The following MTRFR variants were observed in gnomAD, a reference collection of about 807,000 sequenced individuals.
MTRFR encodes mitochondrial translation release factor in rescue, also known as probable peptide chain release factor C12orf65, mitochondrial.
A neutral mutation model predicts 11.9 loss-of-function variants in MTRFR; 10 were observed. The observed-to-expected ratio is 0.84, with a 90% confidence interval of 0.52 to 1.42. The LOEUF is 1.42. Ranked by LOEUF, MTRFR falls within the 40% of genes most tolerant of loss-of-function variation. The pLI, the probability that MTRFR is intolerant of heterozygous loss-of-function variation, is 0.00. For synonymous variants in MTRFR, 77 were observed against 79.1 expected, an observed-to-expected ratio of 0.97 and a Z score of 0.14; for missense variants, 196 against 197.9, an observed-to-expected ratio of 0.99 and a Z score of 0.06.
At chr12:123,253,549 C>A in intron 1 of MTRFR, 98 bp from the exon 2 acceptor site, 1 of 1,196,508 alleles carries the variant, frequency 8.4e-7, no homozygotes, top group East Asian at 2.4e-5. Context: ...GATGGGTCAT[C>A]ATTTGAATTG....
rs1186385815 is a variant in MTRFR at position 123,256,892 on chromosome 12, A to G, written c.362A>G (p.Asn121Ser). 6.2e-7 allele frequency: 1 copy of G among 1,613,606 alleles called. No homozygotes were observed. Among genetic ancestry groups the G allele is most frequent in the Admixed American group, 1.7e-5 (1 of 60,012 alleles). Reference sequence around the variant, plus strand: ...CAAGAGAAAGTAGATGTTTTCTACAATGGTGAAAACAGTCCTGTTCACAAA... The same window carrying G: ...CAAGAGAAAGTAGATGTTTTCTACAGTGGTGAAAACAGTCCTGTTCACAAA... ...ILQEKVDVFY[N>S]GENSPVHKEK... The change falls in exon 3 of 3, where the codon AAT (asparagine) becomes AGT (serine). Residue 121 changes from asparagine (N) to serine (S), a missense_variant. Asn to Ser is a conservative substitution (Grantham distance 46, BLOSUM62 1). Coordinates refer to ENST00000253233, the MANE Select transcript of MTRFR (RefSeq NM_152269.5).
intron 1 of MTRFR, among the ~76,000 whole-genome samples, chr12:123,239,558 A>G (rs2047898614): frequency 6.6e-6 from 1 of 152,048 alleles, no homozygotes; most frequent in South Asian, 2.1e-4. Context: ...ACGTGCAACC[A>G]TGCCCAGCTA....
chr12:123,253,578 TTGAATC>T (rs1342981347), intron 1 of MTRFR, 63 bp from the exon 2 acceptor site: 3 of 1,493,164 alleles, frequency 2.0e-6, no homozygotes, highest in African/African-American at 2.8e-5. Context: ...AAAGCTGTCT[TTGAATC>T]TGAAGCATAA....
chr12:123,241,408 G>A (rs1240964060), intron 1 of MTRFR, among the ~76,000 whole-genome samples: 1 of 152,114 alleles, frequency 6.6e-6, no homozygotes, highest in Admixed American at 6.6e-5. Context: ...CGTGATCTCG[G>A]CTCACTACAA....
intron 1 of MTRFR, among the ~76,000 whole-genome samples, chr12:123,253,054 C>T (rs2048133701): frequency 7.6e-6 from 1 of 130,908 alleles, no homozygotes; most frequent in Non-Finnish European, 1.6e-5. Flanking sequence ...TATCAAATTA[C>T]AGTCCGTTCC....
Position 123,257,190 on chromosome 12 carries a change from G to A in MTRFR, c.*159G>A, listed in dbSNP as rs2048192268. ...TATTTAAATGGTGCACTAAACTGTA[G>A]TGAACAGAGACATGCACGATTCAAG... On this transcript the variant is annotated 3_prime_UTR_variant, in exon 3 of 3. Coordinates refer to ENST00000253233, the MANE Select transcript of MTRFR (RefSeq NM_152269.5). 7 of 684,146 alleles carry A rather than the reference G, an allele frequency of 1.0e-5. No homozygotes were observed. Among genetic ancestry groups the A allele is most frequent in the Middle Eastern group, 4.0e-4 (1 of 2,500 alleles). The allele number at this position is 684,146 out of a possible 1,614,324, so 42.4% of individuals were successfully genotyped here.
At chr12:123,244,929 C>CCTTTTTTTTT (rs1170457743) in intron 1 of MTRFR, among the ~76,000 whole-genome samples, 2 of 64,310 alleles carry the variant, frequency 3.1e-5, no homozygotes, top group South Asian at 6.3e-4. Context: ...CCGCACCCGG[C>CCTTTTTTTTT]ATTTTTTTTT....
chr12:123,253,133 A>G (rs1008499078), intron 1 of MTRFR, among the ~76,000 whole-genome samples: 2 of 103,128 alleles, frequency 1.9e-5, no homozygotes, highest in African/African-American at 3.7e-5. Flanking sequence ...TCTGTTGTCC[A>G]GGCTGGAGTG....
At chr12:123,256,569 G>A (rs1470949186) in intron 2 of MTRFR, among the ~76,000 whole-genome samples, 3 of 151,934 alleles carry the variant, frequency 2.0e-5, no homozygotes. Flanking sequence ...GGTGGCGTGC[G>A]CCTATAATCC....
chr12:123,241,366 C>T (rs2047934580), intron 1 of MTRFR, among the ~76,000 whole-genome samples: 1 of 152,014 alleles, frequency 6.6e-6, no homozygotes. Flanking sequence ...AGTCTCGCTC[C>T]TTCAGTCTTC....
chr12:123,237,755 C>T (rs1225905319), intron 1 of MTRFR, among the ~76,000 whole-genome samples: 1 of 152,148 alleles, frequency 6.6e-6, no homozygotes, highest in African/African-American at 2.4e-5. Flanking sequence ...GCCTTACCAG[C>T]AATACTCACT....
At chr12:123,243,461 C>T (rs919027405) in intron 1 of MTRFR, among the ~76,000 whole-genome samples, 5 of 150,486 alleles carry the variant, frequency 3.3e-5, no homozygotes, top group African/African-American at 7.4e-5. Context: ...ACCCGGGAGG[C>T]GGAGCTTGCA....
At chr12:123,236,612 A>C (rs984435707) in intron 1 of MTRFR, among the ~76,000 whole-genome samples, 4 of 152,078 alleles carry the variant, frequency 2.6e-5, no homozygotes, top group Admixed American at 6.6e-5. Flanking sequence ...AAAAAGAAGA[A>C]GAAACTGCTT....
upstream of MTRFR, chr12:123,232,936 G>C (rs1466142300): frequency 6.6e-6 from 1 of 152,432 alleles, no homozygotes; most frequent in East Asian, 1.9e-4. Flanking sequence ...AGGGCTCCGA[G>C]GGGGTCAGGC....
At chr12:123,241,708 A>G (rs1414386113) in intron 1 of MTRFR, among the ~76,000 whole-genome samples, 4 of 150,776 alleles carry the variant, frequency 2.7e-5, no homozygotes, top group African/African-American at 7.3e-5. Context: ...GGCTCAAGCA[A>G]TCCTCCCACC....
Position 123,253,687 on chromosome 12 carries a change from G to C in MTRFR, c.13G>C (p.Gly5Arg), listed in dbSNP as rs1395778232. The C allele has an allele frequency of 1.9e-6, 3 of 1,613,966 alleles. No individual in the cohort carries two copies. In the African/African-American group the frequency reaches 4.0e-5, roughly 22 times the overall value. Residue 5 changes from glycine (G) to arginine (R), a missense_variant, in exon 2 of 3, where the codon GGT becomes CGT. Coordinates refer to ENST00000253233, the MANE Select transcript of MTRFR (RefSeq NM_152269.5). MSTV[G>R]LFHFPTPLTR... ...AGCCACGTTCCTTATGAGCACCGTG[G>C]GTTTATTTCATTTTCCTACACCACT...
chr12:123,256,866 A>C lies in MTRFR; in HGVS notation c.336A>C (p.Leu112=). ...ACAGAAAGCTAGCTCGGAAAATCCT[A>C]CAAGAGAAAGTAGATGTTTTCTACA... ...DQNRKLARKI[L]QEKVDVFYNG... The change falls in exon 3 of 3, where the codon CTA becomes CTC. Residue 112 remains leucine, a synonymous_variant. Transcript: ENST00000253233. The C allele has an allele frequency of 3.7e-6, 6 of 1,614,050 alleles. No individual in the cohort carries two copies. Among genetic ancestry groups the C allele is most frequent in the Admixed American group, 1.7e-5 (1 of 60,016 alleles).
intron 1 of MTRFR, among the ~76,000 whole-genome samples, chr12:123,235,954 C>T (rs2047844065): frequency 1.3e-5 from 2 of 151,976 alleles, no homozygotes; most frequent in South Asian, 2.1e-4. Context: ...ATCCCAGCTA[C>T]TTGGGAGGCT....
Position 123,257,230 on chromosome 12 carries a change from G to A in MTRFR, c.*199G>A, listed in dbSNP as rs558294643. ...CACGATTCAAGAATAAAACTCGGCTGGGCACGGTGGACGGTGCCTCACATC... is the reference window on the plus strand; with the variant it reads ...CACGATTCAAGAATAAAACTCGGCTAGGCACGGTGGACGGTGCCTCACATC... On this transcript the variant is annotated 3_prime_UTR_variant, in exon 3 of 3. Transcript: ENST00000253233. The A allele has an allele frequency of 3.7e-5, 21 of 564,344 alleles. No homozygotes were observed. The highest frequency in any genetic ancestry group is 6.3e-5 in the South Asian group (3 of 47,840). The allele number at this position is 564,344 out of a possible 1,614,324, so 35.0% of individuals were successfully genotyped here. A position where few individuals can be genotyped will look rare whatever the true frequency, so the allele number is the denominator to read the frequency against.
Sources: gnomAD v4.1 joint callset for allele counts (sites outside exome capture counted in the v4.1 genomes callset) on GRCh38, gnomAD v4.1.1 for gene constraint, MANE v1.5 for transcripts, NCBI Gene and HGNC (gene_info 2026-07-23, HGNC 2026-07-21) for gene names.